Variants in SPAG16 observed in about 807,000 individuals in gnomAD.
The protein encoded by SPAG16 is sperm-associated antigen 16 protein.
In SPAG16, 86 loss-of-function variants were observed where a neutral mutation model predicts 80.4. The ratio of observed to expected loss-of-function variants is 1.07; its 90% confidence interval spans 0.90 to 1.28. The LOEUF (loss-of-function observed/expected upper bound fraction) is 1.28, where lower values mean the gene tolerates loss of function less well. Ranked by LOEUF, SPAG16 falls within the 50% of genes most tolerant of loss-of-function variation. SPAG16 has a pLI of 0.00. For synonymous variants in SPAG16, 294 were observed against 265.9 expected (o/e 1.11, Z -1.03); for missense variants, 870 against 765.3 (o/e 1.14, Z -1.61).
intron 13 of SPAG16, among the ~76,000 whole-genome samples, chr2:214,067,397 T>C (rs1447441905): frequency 6.6e-6 from 1 of 152,146 alleles, no homozygotes; most frequent in Non-Finnish European, 1.5e-5. Context: ...GTCCTTATTG[T>C]GAACATCAAA....
chr2:213,552,761 T>A (rs1223118077), intron 10 of SPAG16, among the ~76,000 whole-genome samples: 1 of 151,138 alleles, frequency 6.6e-6, no homozygotes, highest in Non-Finnish European at 1.5e-5. Context: ...CCACCCTCAA[T>A]CTGGGTGGGC....
At chr2:213,396,508 C>G in intron 9 of SPAG16, 1 of 239,630 alleles carries the variant, frequency 4.2e-6, no homozygotes, top group Non-Finnish European at 8.8e-6. Context: ...GGCTTTGAGG[C>G]CTCCTTCAAC....
At chr2:214,038,532 A>T (rs2048829589) in intron 13 of SPAG16, among the ~76,000 whole-genome samples, 1 of 151,686 alleles carries the variant, frequency 6.6e-6, no homozygotes, top group African/African-American at 2.4e-5. Flanking sequence ...TTCTCAATTC[A>T]TTTCTTTTTT....
chr2:214,059,017 T>C (rs988880867), intron 13 of SPAG16, among the ~76,000 whole-genome samples: 7 of 151,662 alleles, frequency 4.6e-5, no homozygotes, highest in African/African-American at 1.7e-4. Context: ...CAGTAGCAAA[T>C]GTAAAATCTG....
chr2:213,356,844 G>C (rs190878542), intron 7 of SPAG16, among the ~76,000 whole-genome samples: 1 of 152,108 alleles, frequency 6.6e-6, no homozygotes. Flanking sequence ...TGATGTTAGG[G>C]TGTTGATTTT....
intron 10 of SPAG16, among the ~76,000 whole-genome samples, chr2:213,840,562 T>C (rs2074312836): frequency 6.6e-6 from 1 of 152,164 alleles, no homozygotes; most frequent in South Asian, 2.1e-4. Flanking sequence ...AAAAAATCCT[T>C]TCAAGGTAGA....
At chr2:213,834,519 G>T (rs536949915) in intron 10 of SPAG16, among the ~76,000 whole-genome samples, 1 of 152,156 alleles carries the variant, frequency 6.6e-6, no homozygotes, top group African/African-American at 2.4e-5. Context: ...TATGGGCCAA[G>T]ACCCATCTGG....
chr2:213,705,900 A>T (rs1312042540), intron 10 of SPAG16, among the ~76,000 whole-genome samples: 1 of 152,102 alleles, frequency 6.6e-6, no homozygotes, highest in East Asian at 1.9e-4. Context: ...CCCATATGGG[A>T]TTTATGCAAA....
intron 15 of SPAG16, among the ~76,000 whole-genome samples, chr2:214,193,393 TTATG>T (rs1396365617): frequency 1.3e-5 from 1 of 75,470 alleles, no homozygotes; most frequent in African/African-American, 3.2e-5. Context: ...AAGAGATCTT[TTATG>T]TGTGTGTGTG....
chr2:214,262,603 A>G (rs1416051339), intron 15 of SPAG16, among the ~76,000 whole-genome samples: 2 of 152,090 alleles, frequency 1.3e-5, no homozygotes. Flanking sequence ...TAAATTAACC[A>G]TAATTTTAAT....
At chr2:213,387,707 G>A (rs1385144898) in intron 9 of SPAG16, among the ~76,000 whole-genome samples, 4 of 151,558 alleles carry the variant, frequency 2.6e-5, no homozygotes, top group African/African-American at 9.7e-5. Flanking sequence ...GCCCGCCTCG[G>A]CCTCCCAAAG....
chr2:213,315,957 ATTTC>A (rs1302812122), intron 4 of SPAG16, among the ~76,000 whole-genome samples: 1 of 151,436 alleles, frequency 6.6e-6, no homozygotes, highest in African/African-American at 2.4e-5. Flanking sequence ...GGACCTCTTC[ATTTC>A]TTTCTTTCTT....
intron 11 of SPAG16, among the ~76,000 whole-genome samples, chr2:213,885,418 G>A (rs1256470891): frequency 6.6e-6 from 1 of 152,152 alleles, no homozygotes; most frequent in Non-Finnish European, 1.5e-5. Flanking sequence ...CCTTTGAGGA[G>A]CCTCTGCTAC....
chr2:214,368,080 T>G (rs1055118521), intron 15 of SPAG16, among the ~76,000 whole-genome samples: 10 of 152,184 alleles, frequency 6.6e-5, no homozygotes, highest in African/African-American at 2.4e-4. Context: ...GCTTGAACTT[T>G]CTATGAAGTC....
intron 14 of SPAG16, among the ~76,000 whole-genome samples, chr2:214,131,074 A>C (rs968083582): frequency 1.3e-5 from 2 of 152,138 alleles, no homozygotes; most frequent in Non-Finnish European, 2.9e-5. Context: ...CAAAATAAGC[A>C]TTATGCTAGG....
Position 214,096,675 on chromosome 2 carries a change from T to C in SPAG16, c.1528-11521T>C, listed in dbSNP as rs1052662540. ...GAACAAAGAAATAAAAAATACTACA[T>C]GCTAAAGCAGATCCGCAGTAAAAAT... On this transcript the variant is annotated intron_variant, in intron 13 of 15. Coordinates refer to ENST00000331683, the MANE Select transcript of SPAG16 (RefSeq NM_024532.5). Among the ~76,000 whole-genome samples the C allele has an allele frequency of 4.0e-4, 61 of 152,042 alleles. 1 individual carries two copies. The highest frequency in any genetic ancestry group is 1.4e-3 in the African/African-American group (58 of 41,424).
At chr2:213,634,199 T>C (rs1052488925) in intron 10 of SPAG16, among the ~76,000 whole-genome samples, 11 of 152,124 alleles carry the variant, frequency 7.2e-5, no homozygotes, top group Non-Finnish European at 1.2e-4. Flanking sequence ...GTATATTTTT[T>C]GGTTACCCTG....
intron 10 of SPAG16, among the ~76,000 whole-genome samples, chr2:213,745,965 A>G (rs149136056): frequency 4.7e-4 from 72 of 152,292 alleles, no homozygotes; most frequent in Middle Eastern, 3.4e-3. Flanking sequence ...TTCTCGTACA[A>G]TTGCTTCATG....
chr2:213,633,786 G>A (rs1438141336), intron 10 of SPAG16, among the ~76,000 whole-genome samples: 1 of 151,916 alleles, frequency 6.6e-6, no homozygotes, highest in Non-Finnish European at 1.5e-5. Flanking sequence ...GACTTTATTT[G>A]TCTCTTCTTA....
Sources: allele counts gnomAD v4.1 joint callset (sites outside exome capture counted in the v4.1 genomes callset), GRCh38; gene constraint gnomAD v4.1.1; transcripts MANE v1.5; gene names NCBI Gene and HGNC (gene_info 2026-07-23, HGNC 2026-07-21).